Variants in ABCB11 observed in about 807,000 individuals in gnomAD.
ABCB11 encodes the protein bile salt export pump.
In ABCB11, 95 loss-of-function variants were observed where a neutral mutation model predicts 148.0. That is an observed-to-expected ratio of 0.64 (90% CI 0.54 to 0.76). The LOEUF is 0.76. Among genes scored for constraint, ABCB11 ranks in the 30% least tolerant of loss-of-function variants. ABCB11 has a pLI of 0.00. For missense variants in ABCB11, 1,523 were observed against 1,617.8 expected, an observed-to-expected ratio of 0.94 and a Z score of 1.01; for synonymous variants, 591 against 555.4, an observed-to-expected ratio of 1.06 and a Z score of -0.90.
chr2:168,925,226 A>AG, intron 26 of ABCB11, among the ~76,000 whole-genome samples: 1 of 152,308 alleles, frequency 6.6e-6, no homozygotes, highest in East Asian at 1.9e-4. Context: ...TGTATTAGGG[A>AG]GGCAGCATTC....
At chr2:168,953,451 T>G (rs1267845469) in intron 19 of ABCB11, among the ~76,000 whole-genome samples, 6 of 99,184 alleles carry the variant, frequency 6.0e-5, no homozygotes, top group Non-Finnish European at 1.0e-4. Flanking sequence ...AATTATCTTG[T>G]CTTTTTTTTT....
At chr2:168,952,673 CTTTG>C (rs1424748120) in intron 19 of ABCB11, among the ~76,000 whole-genome samples, 1 of 111,198 alleles carries the variant, frequency 9.0e-6, no homozygotes, top group East Asian at 3.0e-4. Flanking sequence ...TTCATTGCTC[CTTTG>C]TTTTTTTTTT....
At chr2:168,963,722 A>T (rs1235063954) in intron 18 of ABCB11, among the ~76,000 whole-genome samples, 1 of 151,848 alleles carries the variant, frequency 6.6e-6, no homozygotes, top group Admixed American at 6.6e-5. Context: ...ATTGGCCTCC[A>T]TTAATTCAAA....
intron 13 of ABCB11, 32 bp downstream of exon 13, chr2:168,973,683 C>T (rs185702558): frequency 6.7e-5 from 108 of 1,608,794 alleles, no homozygotes; most frequent in Admixed American, 3.2e-4. Context: ...TTACTGTCCC[C>T]ATGTATTGAG....
At chr2:168,945,287 A>T (rs1266353413) in intron 19 of ABCB11, among the ~76,000 whole-genome samples, 11 of 151,952 alleles carry the variant, frequency 7.2e-5, no homozygotes, top group Non-Finnish European at 5.9e-5. Context: ...GCTCTAAAAA[A>T]TAAAGTCTTT....
chr2:168,943,483 T>C (rs1692161928), intron 21 of ABCB11, among the ~76,000 whole-genome samples: 1 of 151,982 alleles, frequency 6.6e-6, no homozygotes, highest in Non-Finnish European at 1.5e-5. Flanking sequence ...TAGATGAGAA[T>C]GAAGTATTGT....
At chr2:168,938,156 A>G (rs556259666) in intron 21 of ABCB11, among the ~76,000 whole-genome samples, 2 of 152,308 alleles carry the variant, frequency 1.3e-5, no homozygotes, top group East Asian at 3.9e-4. Context: ...TGGAATATAA[A>G]ATTGTGTCCC....
In ABCB11 at chr2:168,921,381, T is replaced by G. The variant is rs1320629343; in HGVS notation, c.*2241A>C. Among the ~76,000 whole-genome samples the G allele has an allele frequency of 6.6e-6, 1 of 152,142 alleles. No homozygotes were observed. Among genetic ancestry groups the G allele is most frequent in the African/African-American group, 2.4e-5 (1 of 41,420 alleles). ...GAAAAACCATCTACGTAGAGTGAGC[T>G]TGGGAGGAAGCTGGAGTAGGGAGAA... On this transcript the variant is annotated 3_prime_UTR_variant, in exon 28 of 28. Transcript: ENST00000650372.
At chr2:168,978,987 TG>T (rs1295063862) in intron 11 of ABCB11, among the ~76,000 whole-genome samples, 2 of 152,166 alleles carry the variant, frequency 1.3e-5, no homozygotes, top group African/African-American at 4.8e-5. Context: ...CCCAAAGTAT[TG>T]GGATTACAGG....
intron 2 of ABCB11, among the ~76,000 whole-genome samples, chr2:168,915,769 G>A (rs1363577476): frequency 6.6e-6 from 1 of 152,214 alleles, no homozygotes; most frequent in East Asian, 1.9e-4. Context: ...CCTGCATAGG[G>A]CCTTGTGCCT....
intron 12 of ABCB11, among the ~76,000 whole-genome samples, chr2:168,975,662 T>G (rs1327632707): frequency 7.3e-6 from 1 of 136,572 alleles, no homozygotes; most frequent in African/African-American, 2.7e-5. Context: ...ATATTACAAA[T>G]ATTATATTAT....
chr2:168,999,495 A>G (rs892565114), intron 5 of ABCB11, among the ~76,000 whole-genome samples: 1 of 151,910 alleles, frequency 6.6e-6, no homozygotes, highest in African/African-American at 2.4e-5. Context: ...TCCAATCCCC[A>G]TATCCTCCTT....
intron 27 of ABCB11, 75 bp from the exon 28 acceptor site, chr2:168,923,897 A>T (rs1437321863): frequency 7.1e-7 from 1 of 1,403,872 alleles, no homozygotes; most frequent in East Asian, 2.3e-5. Context: ...GAGTTCAGTT[A>T]ACACGACCTG....
intron 19 of ABCB11, among the ~76,000 whole-genome samples, chr2:168,954,959 T>C (rs113153169): frequency 0.023 from 3,506 of 151,826 alleles, 135 homozygotes; most frequent in African/African-American, 0.078. Flanking sequence ...TTTTTCCTTA[T>C]TTTTGTCTGA....
Position 168,921,910 on chromosome 2 carries a change from G to A in ABCB11, c.*1712C>T, listed in dbSNP as rs1691088518. Reference sequence around the variant, plus strand: ...GTCGCCCAGGCTGGAGTGCAGTGGCGCGATCTCGGCTCACTGCAAGCTCCA... The same window carrying A: ...GTCGCCCAGGCTGGAGTGCAGTGGCACGATCTCGGCTCACTGCAAGCTCCA... On this transcript the variant is annotated 3_prime_UTR_variant, in exon 28 of 28. Transcript: ENST00000650372. Among the ~76,000 whole-genome samples, 1 of 147,376 alleles carries A rather than the reference G, an allele frequency of 6.8e-6. No homozygotes were observed. The highest frequency in any genetic ancestry group is 1.5e-5 in the Non-Finnish European group (1 of 67,348).
At chr2:169,015,699 T>C (rs1009580395) in intron 3 of ABCB11, among the ~76,000 whole-genome samples, 3 of 152,050 alleles carry the variant, frequency 2.0e-5, no homozygotes, top group Non-Finnish European at 2.9e-5. Context: ...CATAGCTCCA[T>C]TTCCAGTTTA....
At position 168,924,579 on chromosome 2, in the gene ABCB11, T is replaced by A. The variant is rs933538988; in HGVS notation, c.3765+78A>T. 5.6e-6 allele frequency: 8 copies of A among 1,426,794 alleles called. No individual in the cohort carries two copies. The African/African-American group carries it at 1.1e-4, about 20-fold the overall frequency. The allele number at this position is 1,426,794 out of a possible 1,614,324, so 88.4% of individuals were successfully genotyped here. On this transcript the variant is annotated intron_variant, in intron 27 of 27. Coordinates refer to ENST00000650372, the MANE Select transcript of ABCB11 (RefSeq NM_003742.4). ...TAACGAATCAGAAAATTGAAAATAG[T>A]GCCATTTTATTAAGGACAAATTTTA...
chr2:168,934,620 A>C (rs1276564491), intron 23 of ABCB11, among the ~76,000 whole-genome samples: 3 of 152,190 alleles, frequency 2.0e-5, no homozygotes, highest in Non-Finnish European at 4.4e-5. Flanking sequence ...GAGTTCAAAC[A>C]AAACAGTTCT....
In ABCB11 at chr2:168,933,172, T is replaced by A. The variant is rs1019845562; in HGVS notation, c.3057-639A>T. Reference sequence around the variant, plus strand: ...AAAAAGACTTCTGAAAAAATTTTTTTAAAAGAAAAAGCAGGCTTGAAAGAT... The same window carrying A: ...AAAAAGACTTCTGAAAAAATTTTTTAAAAAGAAAAAGCAGGCTTGAAAGAT... On this transcript the variant is annotated intron_variant, in intron 23 of 27. Coordinates refer to ENST00000650372, the MANE Select transcript of ABCB11 (RefSeq NM_003742.4). Among the ~76,000 whole-genome samples the A allele has an allele frequency of 7.4e-4, 112 of 152,092 alleles. 1 individual carries two copies. The highest frequency in any genetic ancestry group is 2.6e-3 in the African/African-American group (107 of 41,518).
Sources: allele counts gnomAD v4.1 joint callset (sites outside exome capture counted in the v4.1 genomes callset), GRCh38; gene constraint gnomAD v4.1.1; transcripts MANE v1.5; gene names NCBI Gene and HGNC (gene_info 2026-07-23, HGNC 2026-07-21).